Variants in KLHL22 observed in about 807,000 individuals in gnomAD.
KLHL22 encodes the protein kelch like family member 22, also known as kelch-like protein 22.
Under a neutral mutation model 60.7 loss-of-function variants are expected in KLHL22, and 18 were observed. The ratio of observed to expected loss-of-function variants is 0.30; its 90% confidence interval spans 0.20 to 0.44. KLHL22 has a LOEUF of 0.44. Among genes scored for constraint, KLHL22 ranks in the 20% least tolerant of loss-of-function variants. The probability of loss-of-function intolerance (pLI) is 1.00; values close to 1 mark genes in which losing one functional copy is unlikely to be tolerated. For missense variants in KLHL22, 596 were observed against 852.3 expected (o/e 0.70, Z 3.74); for synonymous variants, 355 against 354.5 (o/e 1.00, Z -0.01).
chr22:20,464,758 T>C (rs955048976), intron 4 of KLHL22, 100 bp downstream of exon 4: 2 of 707,224 alleles, frequency 2.8e-6, no homozygotes, highest in Non-Finnish European at 4.8e-6. Context: ...GTGATGCTCA[T>C]GTGAAAGGCT....
chr22:20,483,942 T>C (rs5749800), intron 2 of KLHL22: 272,675 of 672,612 alleles, frequency 0.41, 58,484 homozygotes, highest in African/African-American at 0.67. Context: ...CATGCAGCCC[T>C]GGAAGCTGGT....
intron 5 of KLHL22, chr22:20,450,795 G>A: frequency 1.4e-6 from 2 of 1,435,756 alleles, no homozygotes; most frequent in Non-Finnish European, 2.0e-6. Context: ...AGATGCCCCT[G>A]CTAACCCTCA....
At chr22:20,472,365 C>G (rs984185654) in intron 2 of KLHL22, among the ~76,000 whole-genome samples, 2 of 152,216 alleles carry the variant, frequency 1.3e-5, no homozygotes, top group African/African-American at 4.8e-5. Flanking sequence ...CCAAGGCAGG[C>G]AGATCCCTTG....
chr22:20,468,461 A>G (rs1385051365), intron 3 of KLHL22, among the ~76,000 whole-genome samples: 1 of 152,200 alleles, frequency 6.6e-6, no homozygotes, highest in African/African-American at 2.4e-5. Context: ...GGGTAACCCA[A>G]TAGGACAGTG....
intron 5 of KLHL22, among the ~76,000 whole-genome samples, chr22:20,449,555 C>A (rs1459136855): frequency 6.6e-6 from 1 of 151,860 alleles, no homozygotes; most frequent in South Asian, 2.1e-4. Context: ...CGTGTGCCAC[C>A]GCGCCCAACT....
intron 5 of KLHL22, among the ~76,000 whole-genome samples, chr22:20,455,964 C>T (rs2053056820): frequency 6.6e-6 from 1 of 152,200 alleles, no homozygotes; most frequent in East Asian, 1.9e-4. Context: ...CTGACTCGGC[C>T]TTCAGAATGT....
At chr22:20,466,623 C>G (rs1319850431) in intron 3 of KLHL22, among the ~76,000 whole-genome samples, 1 of 152,152 alleles carries the variant, frequency 6.6e-6, no homozygotes, top group Non-Finnish European at 1.5e-5. Flanking sequence ...GACACCTAAC[C>G]AATACCCACC....
rs2053203754 is a variant in KLHL22 at position 20,464,709 on chromosome 22, C to T, written c.1112+149G>A. On this transcript the variant is annotated intron_variant, in intron 4 of 6. Coordinates refer to ENST00000328879, the MANE Select transcript of KLHL22 (RefSeq NM_032775.4). ...CTTCTCTTATCTCACTGCTGTCCAC[C>T]TTCTCTGAATTCACCTAGACTTCAT... The T allele has an allele frequency of 4.9e-6, 3 of 606,318 alleles. No individual in the cohort carries two copies. In the Admixed American group the frequency reaches 8.4e-5, roughly 17 times the overall value. 37.6% of individuals were successfully genotyped at this position (606,318 alleles called of 1,614,324 possible).
intron 4 of KLHL22, among the ~76,000 whole-genome samples, chr22:20,462,993 G>A (rs2053179606): frequency 6.6e-6 from 1 of 152,140 alleles, no homozygotes; most frequent in Admixed American, 6.5e-5. Flanking sequence ...AAAGCCTATA[G>A]CTTTTAGAAT....
intron 2 of KLHL22, among the ~76,000 whole-genome samples, chr22:20,485,631 G>T (rs2053572159): frequency 6.6e-6 from 1 of 152,246 alleles, no homozygotes; most frequent in Admixed American, 6.5e-5. Context: ...ACTTTGGGAG[G>T]CCAAGGCAGG....
intron 2 of KLHL22, among the ~76,000 whole-genome samples, chr22:20,486,542 C>A (rs1026231287): frequency 6.6e-6 from 1 of 152,162 alleles, no homozygotes. Context: ...TCTACCCTTG[C>A]CCATATCAAA....
At chr22:20,457,161 G>A (rs1318370582) in intron 5 of KLHL22, among the ~76,000 whole-genome samples, 2 of 152,028 alleles carry the variant, frequency 1.3e-5, no homozygotes, top group Non-Finnish European at 2.9e-5. Context: ...GTACCCCAAA[G>A]TCGTAAGATA....
intron 2 of KLHL22, chr22:20,488,784 C>A: frequency 1.7e-6 from 1 of 589,536 alleles, no homozygotes; most frequent in Non-Finnish European, 3.0e-6. Flanking sequence ...AGGCAAAGCC[C>A]AAGAAACAGG....
At chr22:20,462,208 C>A (rs1029208553) in intron 4 of KLHL22, among the ~76,000 whole-genome samples, 2 of 143,358 alleles carry the variant, frequency 1.4e-5, no homozygotes, top group African/African-American at 2.6e-5. Flanking sequence ...ACCCGGGAGG[C>A]AGAGGTTGCA....
chr22:20,448,964 A>T (rs1176466907), intron 5 of KLHL22, among the ~76,000 whole-genome samples: 1 of 152,196 alleles, frequency 6.6e-6, no homozygotes, highest in Admixed American at 6.6e-5. Flanking sequence ...ATAATGTTAC[A>T]TATCTCCTTA....
In KLHL22 at chr22:20,483,717, G is replaced by A. The variant is rs922304515; in HGVS notation, c.227+5268C>T. ...GAGCCCTCAGGTCCTCGATGGTCTT[G>A]AAGTAATGCCTCCAGTCTCTGATCT... is the stretch of plus-strand genomic sequence containing the variant. On this transcript the variant is annotated intron_variant, in intron 2 of 6. Coordinates refer to ENST00000328879, the MANE Select transcript of KLHL22 (RefSeq NM_032775.4). The A allele has an allele frequency of 2.4e-5, 18 of 736,548 alleles. No homozygotes were observed. In the African/African-American group the frequency reaches 3.1e-4, roughly 13 times the overall value. The allele number at this position is 736,548 out of a possible 1,614,324, so 45.6% of individuals were successfully genotyped here.
intron 2 of KLHL22, among the ~76,000 whole-genome samples, chr22:20,473,426 T>C (rs2053359403): frequency 6.6e-6 from 1 of 152,150 alleles, no homozygotes; most frequent in Non-Finnish European, 1.5e-5. Context: ...AACCTCCAAG[T>C]GTAGACACTG....
intron 2 of KLHL22, among the ~76,000 whole-genome samples, chr22:20,480,974 G>C (rs373174267): frequency 2.0e-5 from 3 of 151,754 alleles, no homozygotes; most frequent in African/African-American, 7.2e-5. Context: ...TGGGACTACA[G>C]GCACCCGCCA....
chr22:20,474,528 A>T (rs1287408657), intron 2 of KLHL22, among the ~76,000 whole-genome samples: 1 of 152,014 alleles, frequency 6.6e-6, no homozygotes, highest in East Asian at 1.9e-4. Context: ...GGTAGCTGGG[A>T]TTACAGTCCT....
Sources: gnomAD v4.1 joint callset for allele counts (sites outside exome capture counted in the v4.1 genomes callset) on GRCh38, gnomAD v4.1.1 for gene constraint, MANE v1.5 for transcripts, NCBI Gene and HGNC (gene_info 2026-07-23, HGNC 2026-07-21) for gene names.